The following ZFHX3 variants were observed in gnomAD, a reference collection of about 807,000 sequenced individuals.
The protein encoded by ZFHX3 is zinc finger homeobox protein 3.
In ZFHX3, 42 loss-of-function variants were observed where a neutral mutation model predicts 279.1. The ratio of observed to expected loss-of-function variants is 0.15; its 90% CI spans 0.12 to 0.19. The LOEUF (loss-of-function observed/expected upper bound fraction) is 0.19, where lower values mean the gene tolerates loss of function less well. ZFHX3 is among the 10% of genes least tolerant of loss of function. The pLI is 1.00. For missense variants in ZFHX3, 4,981 were observed against 4,754.0 expected (o/e 1.05, Z -1.40); for synonymous variants, 2,293 against 1,957.8 (o/e 1.17, Z -4.52).
At chr16:72,860,173 C>T (rs907979651) in intron 4 of ZFHX3, among the ~76,000 whole-genome samples, 5 of 152,096 alleles carry the variant, frequency 3.3e-5, no homozygotes, top group Admixed American at 6.5e-5. Context: ...AGAAAAACGG[C>T]TTTCTGTTTA....
chr16:73,418,396 G>A (rs2017641186), intron 3 of ZFHX3, among the ~76,000 whole-genome samples: 2 of 152,234 alleles, frequency 1.3e-5, no homozygotes, highest in Non-Finnish European at 2.9e-5. Context: ...CCCCTGTCAC[G>A]GGAAAGGATG....
chr16:72,793,129 T>G lies in ZFHX3; in HGVS notation c.9427+126A>C. 1 of 1,477,074 alleles carries G rather than the reference T, an allele frequency of 6.8e-7. No individual in the cohort carries two copies. The highest frequency in any genetic ancestry group is 9.0e-7 in the Non-Finnish European group (1 of 1,108,944). The allele number at this position is 1,477,074 out of a possible 1,614,324, so 91.5% of individuals were successfully genotyped here. ...GGAACGAACTGAAGTCTTGTTGCTTTTAAAGAACTAGAAAGGTAAGCTTCC... is the reference window on the plus strand; with the variant it reads ...GGAACGAACTGAAGTCTTGTTGCTTGTAAAGAACTAGAAAGGTAAGCTTCC... On this transcript the variant is annotated intron_variant, in intron 9 of 9. Coordinates refer to ENST00000268489, the MANE Select transcript of ZFHX3 (RefSeq NM_006885.4). The surrounding 1 kb of genome is among the most constrained non-coding windows in gnomAD (Gnocchi z 4.3).
chr16:72,831,016 A>C (rs983659061), intron 4 of ZFHX3, among the ~76,000 whole-genome samples: 1 of 152,168 alleles, frequency 6.6e-6, no homozygotes, highest in Non-Finnish European at 1.5e-5. Context: ...AGGTCTGTCC[A>C]ACCCCAATTC....
At chr16:73,694,049 A>G (rs1268713671) in intron 1 of ZFHX3, among the ~76,000 whole-genome samples, 5 of 149,668 alleles carry the variant, frequency 3.3e-5, no homozygotes, top group Non-Finnish European at 5.9e-5. Context: ...ATTGCTAGGC[A>G]CAGTGGCTCA....
intron 3 of ZFHX3, among the ~76,000 whole-genome samples, chr16:73,439,909 C>CAG (rs2018057457): frequency 1.3e-5 from 1 of 75,432 alleles, no homozygotes; most frequent in East Asian, 4.2e-4. Flanking sequence ...GGGAGAGGGA[C>CAG]AAAAAAAAAA....
chr16:73,672,154 A>G (rs1473229006), intron 2 of ZFHX3, among the ~76,000 whole-genome samples: 1 of 152,202 alleles, frequency 6.6e-6, no homozygotes, highest in African/African-American at 2.4e-5. Flanking sequence ...GATCAAATCA[A>G]TTAGAAAAAC....
At chr16:73,633,382 CCT>C (rs1471072683) in intron 2 of ZFHX3, among the ~76,000 whole-genome samples, 6 of 152,148 alleles carry the variant, frequency 3.9e-5, no homozygotes, top group Non-Finnish European at 8.8e-5. Flanking sequence ...CTTGTTTTGT[CCT>C]CTGTCAGATT....
At chr16:73,060,447 T>C (rs1353581860), upstream of ZFHX3, 8 of 152,042 alleles carry the variant, frequency 5.3e-5, no homozygotes, top group Admixed American at 5.2e-4. Flanking sequence ...TGGTGCACGG[T>C]ACCTCCAAAA....
intron 5 of ZFHX3, among the ~76,000 whole-genome samples, chr16:72,826,602 A>C (rs911251174): frequency 6.6e-6 from 1 of 152,206 alleles, no homozygotes; most frequent in Non-Finnish European, 1.5e-5. Context: ...TACCTTAATA[A>C]AGCCTGTCAT....
At chr16:73,000,712 T>C (rs1009898316) in intron 1 of ZFHX3, among the ~76,000 whole-genome samples, 27 of 152,128 alleles carry the variant, frequency 1.8e-4, no homozygotes, top group Non-Finnish European at 2.8e-4. Flanking sequence ...ACGCTAGACA[T>C]GCCACACCCA....
chr16:73,293,360 G>C (rs944267028), intron 4 of ZFHX3, among the ~76,000 whole-genome samples: 1 of 152,190 alleles, frequency 6.6e-6, no homozygotes, highest in African/African-American at 2.4e-5. Flanking sequence ...GGTAAAGACT[G>C]ACTGATTTGC....
chr16:73,651,611 C>T (rs12921885), intron 2 of ZFHX3, among the ~76,000 whole-genome samples: 10 of 137,700 alleles, frequency 7.3e-5, no homozygotes, highest in East Asian at 4.7e-4. Context: ...CCGAGGTGGG[C>T]AGATCACGAG....
chr16:73,834,508 G>A (rs1026908723), intron 1 of ZFHX3, among the ~76,000 whole-genome samples: 2 of 152,186 alleles, frequency 1.3e-5, no homozygotes, highest in Non-Finnish European at 2.9e-5. Context: ...CAGATTTACT[G>A]ATCAGTTAAA....
intron 1 of ZFHX3, among the ~76,000 whole-genome samples, chr16:73,722,353 C>A (rs2053481826): frequency 6.6e-6 from 1 of 152,198 alleles, no homozygotes. Flanking sequence ...CAGCTTCCAA[C>A]TGTCAGAATT....
chr16:73,590,144 G>A (rs2051979144), intron 2 of ZFHX3, among the ~76,000 whole-genome samples: 1 of 152,170 alleles, frequency 6.6e-6, no homozygotes, highest in African/African-American at 2.4e-5. Context: ...GGTGACGTAG[G>A]TGAGTAAAAA....
chr16:72,909,657 G>C (rs1419810840), intron 3 of ZFHX3, among the ~76,000 whole-genome samples: 1 of 151,948 alleles, frequency 6.6e-6, no homozygotes, highest in Admixed American at 6.6e-5. Flanking sequence ...TGGGAGGATC[G>C]CTTGAGCTCA....
chr16:73,150,162 C>A (rs911197509), intron 5 of ZFHX3, among the ~76,000 whole-genome samples: 31 of 152,236 alleles, frequency 2.0e-4, no homozygotes, highest in African/African-American at 6.7e-4. Context: ...AGGCTCCAGG[C>A]CCCTTTGGAT....
chr16:73,165,288 G>A (rs1967334559), intron 5 of ZFHX3, among the ~76,000 whole-genome samples: 1 of 152,144 alleles, frequency 6.6e-6, no homozygotes, highest in Admixed American at 6.5e-5. Flanking sequence ...GTATATTTGG[G>A]GACAAAGGTG....
chr16:73,888,962 T>C (rs887420754), intron 1 of ZFHX3, among the ~76,000 whole-genome samples: 1 of 144,632 alleles, frequency 6.9e-6, no homozygotes, highest in Non-Finnish European at 1.5e-5. Context: ...TCTCCAGTGC[T>C]GAGATAAAGA....
Sources: allele counts gnomAD v4.1 joint callset (sites outside exome capture counted in the v4.1 genomes callset), GRCh38; gene constraint gnomAD v4.1.1; non-coding constraint Gnocchi (gnomAD v3.1); transcripts MANE v1.5; gene names NCBI Gene and HGNC (gene_info 2026-07-23, HGNC 2026-07-21).